SPAG16: variants seen among roughly 807,000 people sequenced by gnomAD.
SPAG16 encodes the protein sperm associated antigen 16, also known as sperm-associated antigen 16 protein.
SPAG16 carries 86 observed loss-of-function variants against 80.4 expected under a neutral mutation model. The ratio of observed to expected loss-of-function variants is 1.07; its 90% CI spans 0.90 to 1.28. The LOEUF is 1.28. Ranked by LOEUF, SPAG16 falls within the 50% of genes most tolerant of loss-of-function variation. The pLI, the probability that SPAG16 is intolerant of heterozygous loss-of-function variation, is 0.00. For missense variants in SPAG16, 870 were observed against 765.3 expected (o/e 1.14, Z -1.61); for synonymous variants, 294 against 265.9 (o/e 1.11, Z -1.03).
intron 11 of SPAG16, among the ~76,000 whole-genome samples, chr2:213,879,932 C>G (rs188972063): frequency 6.6e-6 from 1 of 152,240 alleles, no homozygotes; most frequent in African/African-American, 2.4e-5. Flanking sequence ...GTGAAAAGTG[C>G]AGCAATGAAC....
At chr2:213,961,684 A>G (rs1055861808) in intron 12 of SPAG16, among the ~76,000 whole-genome samples, 15 of 150,742 alleles carry the variant, frequency 1.0e-4, no homozygotes, top group African/African-American at 3.4e-4. Flanking sequence ...GTTTTATTAT[A>G]TTAATTTTTA....
intron 9 of SPAG16, among the ~76,000 whole-genome samples, chr2:213,405,109 G>T (rs573786335): frequency 2.0e-5 from 3 of 152,208 alleles, no homozygotes; most frequent in Non-Finnish European, 2.9e-5. Context: ...CACTACTGTC[G>T]AGTGTAACAA....
intron 12 of SPAG16, among the ~76,000 whole-genome samples, chr2:213,993,054 C>G (rs1448484654): frequency 1.3e-5 from 2 of 152,148 alleles, no homozygotes; most frequent in Non-Finnish European, 2.9e-5. Context: ...ACAAGTGGAT[C>G]ATGTTGACTT....
chr2:213,469,561 C>A (rs1559164418), intron 9 of SPAG16, among the ~76,000 whole-genome samples: 1 of 149,034 alleles, frequency 6.7e-6, no homozygotes, highest in Admixed American at 6.7e-5. Flanking sequence ...TCAGCAAGCA[C>A]CTCAGCAGGT....
At chr2:213,787,691 G>A (rs1275215342) in intron 10 of SPAG16, among the ~76,000 whole-genome samples, 1 of 151,888 alleles carries the variant, frequency 6.6e-6, no homozygotes, top group Non-Finnish European at 1.5e-5. Flanking sequence ...TATTAAATTG[G>A]AAAACATCTT....
intron 9 of SPAG16, among the ~76,000 whole-genome samples, chr2:213,443,464 C>T (rs989906909): frequency 2.0e-4 from 31 of 152,118 alleles, no homozygotes; most frequent in African/African-American, 7.5e-4. Context: ...CAAATTCATC[C>T]ATGTTGTCAT....
intron 15 of SPAG16, among the ~76,000 whole-genome samples, chr2:214,288,897 C>A (rs1301599948): frequency 5.3e-5 from 8 of 151,964 alleles, no homozygotes; most frequent in Non-Finnish European, 1.5e-5. Flanking sequence ...GCCTCTCGAG[C>A]AGCTGGGACT....
At chr2:214,245,877 C>G (rs1238216476) in intron 15 of SPAG16, among the ~76,000 whole-genome samples, 1 of 152,130 alleles carries the variant, frequency 6.6e-6, no homozygotes, top group African/African-American at 2.4e-5. Context: ...CCCTAGTACA[C>G]TTCAAAGGGC....
chr2:214,109,309 G>A (rs1248685503), intron 14 of SPAG16, among the ~76,000 whole-genome samples: 1 of 152,142 alleles, frequency 6.6e-6, no homozygotes, highest in Non-Finnish European at 1.5e-5. Context: ...ATCAAAGAAG[G>A]ATGATTTAAG....
chr2:213,727,450 G>T (rs2066820896), intron 10 of SPAG16, among the ~76,000 whole-genome samples: 1 of 152,072 alleles, frequency 6.6e-6, no homozygotes, highest in Non-Finnish European at 1.5e-5. Context: ...AAATAAGGTG[G>T]TCAAGAAAAA....
At chr2:214,284,226 G>T (rs1693177428) in intron 15 of SPAG16, among the ~76,000 whole-genome samples, 1 of 152,120 alleles carries the variant, frequency 6.6e-6, no homozygotes, top group South Asian at 2.1e-4. Flanking sequence ...TCACTAACAA[G>T]GGCTGATTAT....
chr2:213,635,256 C>T (rs767148478), intron 10 of SPAG16, among the ~76,000 whole-genome samples: 10 of 151,938 alleles, frequency 6.6e-5, no homozygotes, highest in South Asian at 2.1e-4. Context: ...AGGATGGTCT[C>T]GATCTCCTGA....
intron 11 of SPAG16, among the ~76,000 whole-genome samples, chr2:213,904,528 A>T (rs901516913): frequency 9.3e-5 from 14 of 150,098 alleles, no homozygotes; most frequent in African/African-American, 3.4e-4. Context: ...GGAATTATGG[A>T]AGTACAATTC....
intron 10 of SPAG16, among the ~76,000 whole-genome samples, chr2:213,726,697 A>G (rs2066783604): frequency 6.6e-6 from 1 of 152,242 alleles, no homozygotes; most frequent in African/African-American, 2.4e-5. Flanking sequence ...CAGCTGTGTC[A>G]AAAGTAAGTG....
chr2:213,607,771 T>C (rs1264569902), intron 10 of SPAG16, among the ~76,000 whole-genome samples: 1 of 152,212 alleles, frequency 6.6e-6, no homozygotes, highest in Non-Finnish European at 1.5e-5. Flanking sequence ...TAGGAGGGTT[T>C]CATTTTATTT....
At chr2:214,229,352 A>G (rs1688527359) in intron 15 of SPAG16, among the ~76,000 whole-genome samples, 1 of 151,708 alleles carries the variant, frequency 6.6e-6, no homozygotes, top group Non-Finnish European at 1.5e-5. Flanking sequence ...AAAAATAGCT[A>G]AAGATGTGAG....
intron 10 of SPAG16, among the ~76,000 whole-genome samples, chr2:213,584,760 T>C (rs1358435326): frequency 6.6e-6 from 1 of 152,144 alleles, no homozygotes; most frequent in Non-Finnish European, 1.5e-5. Flanking sequence ...TTCATCAATA[T>C]TGTTCACTGA....
chr2:213,980,688 TAGA>T (rs1382820172), intron 12 of SPAG16, among the ~76,000 whole-genome samples: 16 of 134,940 alleles, frequency 1.2e-4, no homozygotes, highest in South Asian at 4.7e-4. Context: ...TGTGTATATA[TAGA>T]ATATATGTGT....
intron 15 of SPAG16, among the ~76,000 whole-genome samples, chr2:214,374,548 TA>T (rs1574438794): frequency 6.6e-6 from 1 of 152,216 alleles, no homozygotes; most frequent in East Asian, 1.9e-4. Context: ...TTTGGTATCA[TA>T]AACTCTTTTA....
Sources: allele counts gnomAD v4.1 joint callset (sites outside exome capture counted in the v4.1 genomes callset), GRCh38; gene constraint gnomAD v4.1.1; transcripts MANE v1.5; gene names NCBI Gene and HGNC (gene_info 2026-07-23, HGNC 2026-07-21).